CLUL1: variants seen among roughly 807,000 people sequenced by gnomAD.
CLUL1 encodes the protein clusterin-like protein 1.
In CLUL1, 43 loss-of-function variants were observed where a neutral mutation model predicts 49.4. The observed-to-expected ratio is 0.87, with a 90% CI of 0.68 to 1.12. CLUL1 has a LOEUF of 1.12. Among genes scored for constraint, CLUL1 ranks in the 50% most tolerant of loss-of-function variants. The pLI, the probability that CLUL1 is intolerant of heterozygous loss-of-function variation, is 0.00. For missense variants in CLUL1, 486 were observed against 544.4 expected (o/e 0.89, Z 1.07); for synonymous variants, 192 against 184.9 (o/e 1.04, Z -0.31).
intron 2 of CLUL1, among the ~76,000 whole-genome samples, chr18:615,320 G>A (rs1352677091): frequency 6.6e-6 from 1 of 152,188 alleles, no homozygotes; most frequent in African/African-American, 2.4e-5. Context: ...ATAAAGTTCT[G>A]TTCTGAGAAA....
intron 9 of CLUL1, among the ~76,000 whole-genome samples, chr18:645,759 A>C (rs1397773052): frequency 7.9e-6 from 1 of 127,198 alleles, no homozygotes; most frequent in Non-Finnish European, 1.6e-5. Context: ...GCGCCACTGC[A>C]CTCCAGCCTG....
intron 1 of CLUL1, among the ~76,000 whole-genome samples, chr18:602,314 C>G (rs1454967465): frequency 1.3e-5 from 2 of 152,136 alleles, no homozygotes; most frequent in African/African-American, 2.4e-5. Flanking sequence ...CTGTTCTCCC[C>G]CTCTCCTCCA....
Position 627,371 on chromosome 18 carries a change from C to T in CLUL1, c.698C>T (p.Ser233Phe), listed in dbSNP as rs992776128. Residue 233 changes from serine (S) to phenylalanine (F), a missense_variant, in exon 6 of 10, where the codon TCT (serine) becomes TTT (phenylalanine). By Grantham distance (155) the Ser-to-Phe change is radical. Transcript: ENST00000692774. ...LTEPYFFPAFSKEPMTKADLE... is the reference protein window; with the variant it reads ...LTEPYFFPAFFKEPMTKADLE... ...GAGCCTTACTTTTTTCCAGCTTTCT[C>T]TAAAGAGCCGATGACAAAAGCAGAT... 1.9e-6 allele frequency: 3 copies of T among 1,614,136 alleles called. No individual in the cohort carries two copies. Among genetic ancestry groups the T allele is most frequent in the Non-Finnish European group, 2.5e-6 (3 of 1,180,018 alleles).
intron 2 of CLUL1, among the ~76,000 whole-genome samples, chr18:610,774 C>A (rs114130661): frequency 6.6e-6 from 1 of 152,120 alleles, no homozygotes; most frequent in African/African-American, 2.4e-5. Flanking sequence ...AGGTGGCTCA[C>A]GCCTGTAATC....
intron 1 of CLUL1, among the ~76,000 whole-genome samples, chr18:597,378 C>CAGG (rs1447758103): frequency 6.6e-6 from 1 of 152,162 alleles, no homozygotes; most frequent in Non-Finnish European, 1.5e-5. Context: ...TTTTTCAAAA[C>CAGG]AGGAGGAGGA....
intron 2 of CLUL1, among the ~76,000 whole-genome samples, chr18:615,752 G>A (rs1261196912): frequency 1.3e-5 from 2 of 152,188 alleles, no homozygotes; most frequent in African/African-American, 2.4e-5. Flanking sequence ...GTTTTGCTAT[G>A]AGCTGATCTG....
At chr18:629,160 A>G (rs1029739256) in intron 6 of CLUL1, among the ~76,000 whole-genome samples, 1 of 152,102 alleles carries the variant, frequency 6.6e-6, no homozygotes, top group Non-Finnish European at 1.5e-5. Flanking sequence ...TCATTACTGG[A>G]ATTGTTGGGT....
At chr18:617,866 G>T (rs2073347911) in intron 2 of CLUL1, 122 bp from the exon 3 acceptor site, 1 of 743,300 alleles carries the variant, frequency 1.3e-6, no homozygotes, top group South Asian at 1.8e-5. Context: ...AGCATAAGTT[G>T]TCTAAAGTCA....
intron 7 of CLUL1, among the ~76,000 whole-genome samples, chr18:637,944 G>A (rs960934660): frequency 1.3e-5 from 2 of 151,656 alleles, no homozygotes; most frequent in Admixed American, 6.6e-5. Context: ...TCCAGCCTGG[G>A]CCTCAGAGCG....
chr18:599,347 G>A (rs2072752849), intron 1 of CLUL1, among the ~76,000 whole-genome samples: 1 of 152,162 alleles, frequency 6.6e-6, no homozygotes, highest in Non-Finnish European at 1.5e-5. Flanking sequence ...ATTTATCTAT[G>A]AAACAGGATT....
Position 650,059 on chromosome 18 carries a change from C to A in CLUL1, c.*158C>A. 1.9e-6 allele frequency: 1 copy of A among 520,612 alleles called. No individual in the cohort carries two copies. Among genetic ancestry groups the A allele is most frequent in the Middle Eastern group, 5.3e-4 (1 of 1,892 alleles). 32.2% of individuals were successfully genotyped at this position (520,612 alleles called of 1,614,324 possible). On this transcript the variant is annotated 3_prime_UTR_variant, in exon 10 of 10. Transcript: ENST00000692774. ...CTCTTAGTTTACTTATGTTGAATGGCTTAGCTATTAATACTCAAATTGAGT... is the reference window on the plus strand; with the variant it reads ...CTCTTAGTTTACTTATGTTGAATGGATTAGCTATTAATACTCAAATTGAGT...
chr18:599,964 T>A (rs951035106), intron 1 of CLUL1, among the ~76,000 whole-genome samples: 3 of 143,268 alleles, frequency 2.1e-5, no homozygotes, highest in Non-Finnish European at 3.1e-5. Flanking sequence ...AAAAAAAAAT[T>A]AATAATAATT....
intron 5 of CLUL1, among the ~76,000 whole-genome samples, chr18:625,831 C>G (rs566119857): frequency 6.6e-6 from 1 of 151,062 alleles, no homozygotes; most frequent in Admixed American, 6.6e-5. Context: ...TACTCAATTA[C>G]AAAGGGAGCA....
intron 2 of CLUL1, among the ~76,000 whole-genome samples, chr18:615,183 G>A (rs930322907): frequency 2.8e-4 from 43 of 152,054 alleles, no homozygotes; most frequent in African/African-American, 8.9e-4. Flanking sequence ...GAAAGTGACC[G>A]GATTCACATG....
rs530442658 is a variant in CLUL1, at chr18:650,147, G to C, written c.*246G>C. 1.6e-5 allele frequency: 5 copies of C among 312,188 alleles called. No homozygotes were observed. Among genetic ancestry groups the C allele is most frequent in the African/African-American group, 8.5e-5 (4 of 47,006 alleles). The allele number at this position is 312,188 out of a possible 1,614,324, so 19.3% of individuals were successfully genotyped here. A position where few individuals can be genotyped will look rare whatever the true frequency, so the allele number is the denominator to read the frequency against. On this transcript the variant is annotated 3_prime_UTR_variant, in exon 10 of 10. Coordinates refer to ENST00000692774, the MANE Select transcript of CLUL1 (RefSeq NM_001393344.1). The stretch of plus-strand genomic sequence containing the variant: ...ATGTATTACATTTCATGGTACATTA[G>C]TAGTTCTTTGTATATTGAATAAATA...
At chr18:598,972 A>C (rs1406074413) in intron 1 of CLUL1, among the ~76,000 whole-genome samples, 1 of 152,206 alleles carries the variant, frequency 6.6e-6, no homozygotes, top group Non-Finnish European at 1.5e-5. Context: ...TCAGAGATTG[A>C]AATATGTGAG....
At chr18:625,170 T>C in intron 5 of CLUL1, 138 bp downstream of exon 5, 1 of 816,126 alleles carries the variant, frequency 1.2e-6, no homozygotes. Context: ...AATCTAATAC[T>C]AATGTTTACA....
chr18:645,793 A>T (rs1459590456), intron 9 of CLUL1, among the ~76,000 whole-genome samples: 2 of 19,480 alleles, frequency 1.0e-4, no homozygotes, highest in African/African-American at 2.0e-4. Flanking sequence ...GACTCTGTTT[A>T]AAAAAAAAAA....
chr18:637,208 G>A (rs1195919072), intron 7 of CLUL1, among the ~76,000 whole-genome samples: 3 of 151,530 alleles, frequency 2.0e-5, no homozygotes, highest in Non-Finnish European at 2.9e-5. Flanking sequence ...GGATGGTCTC[G>A]ATCTCCTGAC....
Sources: allele counts gnomAD v4.1 joint callset (sites outside exome capture counted in the v4.1 genomes callset), GRCh38; gene constraint gnomAD v4.1.1; transcripts MANE v1.5; gene names NCBI Gene and HGNC (gene_info 2026-07-23, HGNC 2026-07-21).